CEP76: variants seen among roughly 807,000 people sequenced by gnomAD.
CEP76 encodes the protein centrosomal protein 76, also known as centrosomal protein of 76 kDa.
Under a neutral mutation model 83.3 loss-of-function variants are expected in CEP76, and 55 were observed. The ratio of observed to expected loss-of-function variants is 0.66; its 90% CI spans 0.53 to 0.83. CEP76 has a LOEUF of 0.83. Among genes scored for constraint, CEP76 ranks in the 40% least tolerant of loss-of-function variants. The pLI, the probability that CEP76 is intolerant of heterozygous loss-of-function variation, is 0.00. For missense variants in CEP76, 694 were observed against 799.5 expected (o/e 0.87, Z 1.59); for synonymous variants, 270 against 274.5 (o/e 0.98, Z 0.16).
At chr18:12,667,823 A>AT (rs1399613072), downstream of CEP76, among the ~76,000 whole-genome samples, 16 of 150,528 alleles carry the variant, frequency 1.1e-4, no homozygotes, top group South Asian at 3.1e-3. Flanking sequence ...GAAGAAAGCA[A>AT]TAGACCTGCA....
chr18:12,692,934 C>T (rs2039820510), intron 6 of CEP76, among the ~76,000 whole-genome samples: 1 of 152,166 alleles, frequency 6.6e-6, no homozygotes, highest in Non-Finnish European at 1.5e-5. Context: ...GCGATCCTCC[C>T]ACCTCAGCCT....
intron 8 of CEP76, among the ~76,000 whole-genome samples, chr18:12,681,450 G>A (rs2145020190): frequency 6.6e-6 from 1 of 151,800 alleles, no homozygotes. Context: ...GGGTCTTACT[G>A]TGTTACCCAG....
At position 12,674,578 on chromosome 18, in the gene CEP76, A is replaced by G. The variant is rs1321233500; in HGVS notation, c.1799T>C (p.Phe600Ser). 6 of 1,614,016 alleles carry G rather than the reference A, an allele frequency of 3.7e-6. No individual in the cohort carries two copies. The highest frequency in any genetic ancestry group is 1.7e-5 in the Admixed American group (1 of 59,974). ...GHTFKGFPIH[F>S]VYRNARRAFA... ...TGCACGTCTTGCATTTCTATACACA[A>G]AATGTATTGGGAACCCTTTAAATGT... The change falls in exon 11 of 12, where the codon TTT becomes TCT. Residue 600 changes from phenylalanine (F) to serine (S), a missense_variant. By Grantham distance (155) the Phe-to-Ser change is radical. Coordinates refer to ENST00000262127, the MANE Select transcript of CEP76 (RefSeq NM_024899.4).
rs754147850 is a variant in CEP76 at position 12,686,378 on chromosome 18, G to T, written c.1006C>A (p.Pro336Thr). 1 of 1,613,974 alleles carries T rather than the reference G, an allele frequency of 6.2e-7. No homozygotes were observed. Among genetic ancestry groups the T allele is most frequent in the South Asian group, 1.1e-5 (1 of 91,072 alleles). ...PLRAGRLLDTPRQAARFVNVL... is the reference protein window; with the variant it reads ...PLRAGRLLDTTRQAARFVNVL... ...TTAACAAATCTTGCTGCTTGCCTTG[G>T]AGTATCAAGAAGCCGTCCAGCTCGA... Residue 336 changes from proline (P) to threonine (T), a missense_variant, in exon 8 of 12, where the codon CCA (proline) becomes ACA (threonine). Pro to Thr is a conservative substitution (Grantham distance 38, BLOSUM62 -1). Transcript: ENST00000262127.
intron 7 of CEP76, 59 bp downstream of exon 7, chr18:12,691,300 C>A: frequency 1.9e-6 from 2 of 1,051,518 alleles, no homozygotes; most frequent in Non-Finnish European, 2.7e-6. Flanking sequence ...ATGAAATTTA[C>A]ACACATAACA....
At chr18:12,687,166 T>C (rs1359567532) in intron 7 of CEP76, among the ~76,000 whole-genome samples, 1 of 152,158 alleles carries the variant, frequency 6.6e-6, no homozygotes, top group African/African-American at 2.4e-5. Context: ...AAGGGCCACT[T>C]ACTATTCAAG....
intron 10 of CEP76, among the ~76,000 whole-genome samples, chr18:12,676,211 TAACTTA>T (rs2039124398): frequency 6.6e-6 from 1 of 151,858 alleles, no homozygotes; most frequent in Non-Finnish European, 1.5e-5. Flanking sequence ...ACAGGCACCT[TAACTTA>T]AATAGTGATC....
rs776776734 is a variant in CEP76 at position 12,695,242 on chromosome 18, A to T, written c.804+12T>A. 1 of 1,241,506 alleles carries T rather than the reference A, an allele frequency of 8.1e-7. No individual in the cohort carries two copies. The allele number at this position is 1,241,506 out of a possible 1,614,324, so 76.9% of individuals were successfully genotyped here. On this transcript the variant is annotated intron_variant, in intron 6 of 11. Coordinates refer to ENST00000262127, the MANE Select transcript of CEP76 (RefSeq NM_024899.4). ...CAAACACACAAAAAAAGAGAAACTC[A>T]TAAGTATTTACCTGTGTGTTCACTA...
chr18:12,690,459 G>T (rs908579036), intron 7 of CEP76, among the ~76,000 whole-genome samples: 30 of 149,466 alleles, frequency 2.0e-4, no homozygotes, highest in African/African-American at 7.0e-4. Context: ...CACATTTTTT[G>T]TTGTTTTTTT....
chr18:12,696,723 C>T (rs1217011983), intron 5 of CEP76, among the ~76,000 whole-genome samples: 1 of 152,100 alleles, frequency 6.6e-6, no homozygotes, highest in East Asian at 1.9e-4. Context: ...TAGGCACCAG[C>T]TCTGCCCTCA....
In CEP76 at chr18:12,698,959, A is replaced by T. The variant is rs1243308998; in HGVS notation, c.520+20T>A. ...ACAAAGATTTACTCAATTAAATGAC[A>T]ATTTATTACTGTTTCTTACCCAAGC... is the stretch of plus-strand genomic sequence containing the variant. On this transcript the variant is annotated intron_variant, in intron 4 of 11. Coordinates refer to ENST00000262127, the MANE Select transcript of CEP76 (RefSeq NM_024899.4). 1 of 1,500,650 alleles carries T rather than the reference A, an allele frequency of 6.7e-7. No individual in the cohort carries two copies. Among genetic ancestry groups the T allele is most frequent in the Admixed American group, 1.9e-5 (1 of 52,528 alleles). 93.0% of individuals were successfully genotyped at this position (1,500,650 alleles called of 1,614,324 possible).
At chr18:12,664,804 T>A (rs113065838) in intron 12 of CEP76, among the ~76,000 whole-genome samples, 1,696 of 151,762 alleles carry the variant, frequency 0.011, 38 homozygotes, top group African/African-American at 0.039. Flanking sequence ...GTTCAAGTGA[T>A]TCTCCTGCCT....
chr18:12,662,258 C>G lies in CEP76; in HGVS notation c.*1728-89G>C, dbSNP rs551824344. ...TTTTCATTGCCCACAATTGTAATAC[C>G]TTATACATCTGTAGTGCTATTTATA... On this transcript the variant is annotated intron_variant and NMD_transcript_variant, in intron 12 of 12. Transcript: ENST00000590143. 1,753 of 427,672 alleles carry G rather than the reference C, an allele frequency of 4.1e-3. 26 individuals are homozygous for G. Among genetic ancestry groups the G allele is most frequent in the South Asian group, 0.015 (880 of 58,792 alleles). The allele number at this position is 427,672 out of a possible 1,614,324, so 26.5% of individuals were successfully genotyped here.
rs1392900106 is a variant in CEP76 at position 12,674,688 on chromosome 18, A to G, written c.1689T>C (p.Ser563=). The G allele has an allele frequency of 1.2e-6, 2 of 1,614,150 alleles. No homozygotes were observed. Among genetic ancestry groups the G allele is most frequent in the South Asian group, 1.1e-5 (1 of 91,086 alleles). Residue 563 remains serine, a synonymous_variant, in exon 11 of 12, where the codon TCT becomes TCC. Transcript: ENST00000262127. ...LSYLLSPALA[S]YEFERTTSIS... Reference sequence around the variant, plus strand: ...TACTTGTTGTACGCTCAAATTCATAAGAAGCCAAAGCTGGTGATAAAAGGT... The same window carrying G: ...TACTTGTTGTACGCTCAAATTCATAGGAAGCCAAAGCTGGTGATAAAAGGT...
chr18:12,673,908 C>T (rs1220006370), intron 11 of CEP76, among the ~76,000 whole-genome samples: 2 of 151,892 alleles, frequency 1.3e-5, no homozygotes, highest in African/African-American at 2.4e-5. Context: ...ATAATTTTTT[C>T]AAATTCTGTC....
chr18:12,669,903 A>G (rs139164570), downstream of CEP76, among the ~76,000 whole-genome samples: 1,668 of 145,202 alleles, frequency 0.011, 19 homozygotes, highest in South Asian at 0.023. Context: ...AGGCTGAGTC[A>G]GGAGAATCAC....
downstream of CEP76, among the ~76,000 whole-genome samples, chr18:12,672,071 G>A (rs1160983292): frequency 6.6e-6 from 1 of 150,862 alleles, no homozygotes; most frequent in African/African-American, 2.4e-5. Context: ...ACCCACATCA[G>A]CCTCCCAAAG....
intron 6 of CEP76, among the ~76,000 whole-genome samples, chr18:12,693,443 A>C (rs2145080525): frequency 6.6e-6 from 1 of 152,188 alleles, no homozygotes; most frequent in African/African-American, 2.4e-5. Context: ...TTTAATTAAA[A>C]AAAACAAGCT....
rs959077762 is a variant in CEP76 at position 12,702,685 on chromosome 18, G to T, written c.-137C>A. On this transcript the variant is annotated 5_prime_UTR_variant, in exon 1 of 12. Transcript: ENST00000262127. ...CGTTCGCCTAGCGCAGCTCCCGGGG[G>T]ACGCAACGCCGCGTCAGGCCGGGGG... 45 of 954,246 alleles carry T rather than the reference G, an allele frequency of 4.7e-5. No individual in the cohort carries two copies. The African/African-American group carries it at 6.4e-4, about 14-fold the overall frequency. 59.1% of individuals were successfully genotyped at this position (954,246 alleles called of 1,614,324 possible).
Sources: gnomAD v4.1 joint callset for allele counts (sites outside exome capture counted in the v4.1 genomes callset) on GRCh38, gnomAD v4.1.1 for gene constraint, MANE v1.5 for transcripts, NCBI Gene and HGNC (gene_info 2026-07-23, HGNC 2026-07-21) for gene names.